The following SORCS3 variants were observed in gnomAD, a reference collection of about 807,000 sequenced individuals.
SORCS3 encodes sortilin related VPS10 domain containing receptor 3, also known as VPS10 domain-containing receptor SorCS3.
In SORCS3, 57 loss-of-function variants were observed where a neutral mutation model predicts 146.3. The ratio of observed to expected loss-of-function variants is 0.39; its 90% CI spans 0.31 to 0.49. The LOEUF (loss-of-function observed/expected upper bound fraction) is 0.49, where lower values mean the gene tolerates loss of function less well. SORCS3 is among the 20% of genes least tolerant of loss of function. The pLI is 0.92. For missense variants in SORCS3, 1,341 were observed against 1,575.5 expected (o/e 0.85, Z 2.52); for synonymous variants, 653 against 618.5 (o/e 1.06, Z -0.83).
At chr10:104,857,272 G>C (rs958147882) in intron 2 of SORCS3, among the ~76,000 whole-genome samples, 1 of 152,020 alleles carries the variant, frequency 6.6e-6, no homozygotes, top group Admixed American at 6.6e-5. Context: ...GAAGACTTTG[G>C]TGCCAGACTG....
At chr10:104,921,314 G>T (rs2019084014) in intron 3 of SORCS3, among the ~76,000 whole-genome samples, 1 of 152,186 alleles carries the variant, frequency 6.6e-6, no homozygotes, top group Non-Finnish European at 1.5e-5. Context: ...GCTTATTTGA[G>T]AATGAATCTT....
chr10:105,167,219 G>A lies in SORCS3; in HGVS notation c.1810-39G>A, dbSNP rs775952459. Reference sequence around the variant, plus strand: ...CTGTTAAGCACTATGCAAATGTAAGGTGTTGCTATGATTGTTGTTGTTGTT... The same window carrying A: ...CTGTTAAGCACTATGCAAATGTAAGATGTTGCTATGATTGTTGTTGTTGTT... On this transcript the variant is annotated intron_variant, in intron 12 of 26. Coordinates refer to ENST00000369701, the MANE Select transcript of SORCS3 (RefSeq NM_014978.3). 30 of 1,468,534 alleles carry A rather than the reference G, an allele frequency of 2.0e-5. No individual in the cohort carries two copies. The South Asian group carries it at 3.2e-4, about 16-fold the overall frequency. The allele number at this position is 1,468,534 out of a possible 1,614,324, so 91.0% of individuals were successfully genotyped here.
At chr10:104,996,103 G>C (rs1233098868) in intron 4 of SORCS3, among the ~76,000 whole-genome samples, 1 of 152,116 alleles carries the variant, frequency 6.6e-6, no homozygotes, top group Non-Finnish European at 1.5e-5. Context: ...ACTCTATTCT[G>C]TTCCATTGAT....
intron 3 of SORCS3, among the ~76,000 whole-genome samples, chr10:104,936,040 A>G (rs2019256764): frequency 6.6e-6 from 1 of 152,202 alleles, no homozygotes; most frequent in East Asian, 1.9e-4. Flanking sequence ...TTTAAGGGAA[A>G]GGTAAGACTG....
In SORCS3 at chr10:105,263,442, T is replaced by C; in HGVS notation, c.*68T>C. 1 of 1,452,126 alleles carries C rather than the reference T, an allele frequency of 6.9e-7. No homozygotes were observed. 90.0% of individuals were successfully genotyped at this position (1,452,126 alleles called of 1,614,324 possible). A position where few individuals can be genotyped will look rare whatever the true frequency, so the allele number is the denominator to read the frequency against. ...TTTTGATGATTACTATTACTATTAT[T>C]ATGGAAAAATTAAAATGTCTTTTTT... On this transcript the variant is annotated 3_prime_UTR_variant, in exon 27 of 27. Transcript: ENST00000369701.
At chr10:105,241,935 T>A (rs2056825874) in intron 20 of SORCS3, among the ~76,000 whole-genome samples, 1 of 151,988 alleles carries the variant, frequency 6.6e-6, no homozygotes, top group Admixed American at 6.6e-5. Context: ...AGAATAGGGA[T>A]CAATCAGAGA....
chr10:104,654,342 A>G (rs1335234724), intron 1 of SORCS3, among the ~76,000 whole-genome samples: 5 of 152,198 alleles, frequency 3.3e-5, no homozygotes, highest in African/African-American at 7.2e-5. Flanking sequence ...GCTGGATTGT[A>G]TGATACCTCT....
At chr10:104,864,167 A>G (rs2018434718) in intron 2 of SORCS3, among the ~76,000 whole-genome samples, 1 of 152,210 alleles carries the variant, frequency 6.6e-6, no homozygotes, top group Admixed American at 6.5e-5. Context: ...TTGAGTACAT[A>G]GGGATGTAGT....
intron 1 of SORCS3, among the ~76,000 whole-genome samples, chr10:104,822,888 G>T (rs1213491225): frequency 3.9e-5 from 6 of 152,136 alleles, no homozygotes; most frequent in Non-Finnish European, 7.3e-5. Context: ...CCATATAAAT[G>T]AGGTGGCTCT....
At position 104,682,612 on chromosome 10, in the gene SORCS3, A is replaced by T. The variant is rs144966999; in HGVS notation, c.627+40658A>T. Among the ~76,000 whole-genome samples the T allele has an allele frequency of 6.6e-3, 1,002 of 152,356 alleles. 12 individuals carry two copies. The highest frequency in any genetic ancestry group is 0.023 in the African/African-American group (941 of 41,582). ...TCCTTAAGGAATAACTTATGTAGGC[A>T]ATAGGATGGTTAATGCATCCTGCCT... On this transcript the variant is annotated intron_variant, in intron 1 of 26. Transcript: ENST00000369701.
intron 1 of SORCS3, among the ~76,000 whole-genome samples, chr10:104,776,931 A>G (rs1442247685): frequency 6.7e-6 from 1 of 150,034 alleles, no homozygotes; most frequent in Non-Finnish European, 1.5e-5. Flanking sequence ...TTATGTGATG[A>G]CAGGCAGACA....
At chr10:104,815,475 AC>A (rs990861144) in intron 1 of SORCS3, among the ~76,000 whole-genome samples, 1 of 138,820 alleles carries the variant, frequency 7.2e-6, no homozygotes, top group Admixed American at 7.3e-5. Context: ...AAAAAAAGTC[AC>A]CCACTGGGTA....
intron 1 of SORCS3, among the ~76,000 whole-genome samples, chr10:104,710,452 C>G (rs2016401723): frequency 6.6e-6 from 1 of 152,178 alleles, no homozygotes; most frequent in South Asian, 2.1e-4. Flanking sequence ...GCTGTTCTCT[C>G]AGAGGAGGCA....
chr10:104,816,131 A>G (rs1302447180), intron 1 of SORCS3, among the ~76,000 whole-genome samples: 1 of 152,208 alleles, frequency 6.6e-6, no homozygotes, highest in African/African-American at 2.4e-5. Context: ...GTTAATGGGC[A>G]TAAATAGCTT....
At chr10:104,824,054 C>T (rs981376115) in intron 1 of SORCS3, among the ~76,000 whole-genome samples, 4 of 152,148 alleles carry the variant, frequency 2.6e-5, no homozygotes, top group Admixed American at 6.5e-5. Context: ...AACAGATTTT[C>T]CCCTAGAGCC....
chr10:104,878,676 T>G (rs529271756), intron 2 of SORCS3, among the ~76,000 whole-genome samples: 17 of 152,306 alleles, frequency 1.1e-4, no homozygotes, highest in Admixed American at 7.2e-4. Context: ...CCTTTAAAAA[T>G]AACATAATCC....
At chr10:104,804,612 C>T (rs1467282025) in intron 1 of SORCS3, among the ~76,000 whole-genome samples, 1 of 152,164 alleles carries the variant, frequency 6.6e-6, no homozygotes, top group Non-Finnish European at 1.5e-5. Context: ...AACCCATCAA[C>T]CAGGGCATAG....
At chr10:104,691,631 A>G (rs2016113344) in intron 1 of SORCS3, among the ~76,000 whole-genome samples, 1 of 152,236 alleles carries the variant, frequency 6.6e-6, no homozygotes. Flanking sequence ...ATGCTAAAAT[A>G]ATAATTGGCT....
intron 4 of SORCS3, among the ~76,000 whole-genome samples, chr10:104,990,460 A>C (rs546419142): frequency 5.9e-5 from 9 of 152,220 alleles, no homozygotes; most frequent in African/African-American, 1.9e-4. Context: ...GCCAAATATT[A>C]TGTGATCTTG....
Sources: allele counts gnomAD v4.1 joint callset (sites outside exome capture counted in the v4.1 genomes callset), GRCh38; gene constraint gnomAD v4.1.1; transcripts MANE v1.5; gene names NCBI Gene and HGNC (gene_info 2026-07-23, HGNC 2026-07-21).